The following ZNF676 variants were observed in gnomAD, a reference collection of about 807,000 sequenced individuals.
ZNF676 encodes the protein zinc finger protein 676.
Under a neutral mutation model 6.0 loss-of-function variants are expected in ZNF676, and 4 were observed. The ratio of observed to expected loss-of-function variants is 0.67; its 90% CI spans 0.33 to 1.53. The LOEUF (loss-of-function observed/expected upper bound fraction) is 1.53. Among genes scored for constraint, ZNF676 ranks in the 40% most tolerant of loss-of-function variants. ZNF676 has a pLI of 0.06. For synonymous variants in ZNF676, 198 were observed against 223.1 expected, an observed-to-expected ratio of 0.89 and a Z score of 1.00; for missense variants, 644 against 679.7, an observed-to-expected ratio of 0.95 and a Z score of 0.58.
In ZNF676 at chr19:22,179,276, G is replaced by T; in HGVS notation, c.*674C>A. 1 of 163,368 alleles carries T rather than the reference G, an allele frequency of 6.1e-6. No homozygotes were observed. 10.1% of individuals were successfully genotyped at this position (163,368 alleles called of 1,614,324 possible). ...CCAAAAGCATTGTCACATCTTTCAGGTTTGTAGAGTCTCTCATGTATGAAT... is the reference window on the plus strand; with the variant it reads ...CCAAAAGCATTGTCACATCTTTCAGTTTTGTAGAGTCTCTCATGTATGAAT... On this transcript the variant is annotated 3_prime_UTR_variant, in exon 3 of 3. Transcript: ENST00000397121.
chr19:22,217,148 C>T (rs1203340987), upstream of ZNF676, among the ~76,000 whole-genome samples: 1 of 151,994 alleles, frequency 6.6e-6, no homozygotes, highest in African/African-American at 2.4e-5. Context: ...TCCCTCACCC[C>T]CTCTCCTACC....
At chr19:22,195,293 G>C (rs553310728) in intron 1 of ZNF676, among the ~76,000 whole-genome samples, 5 of 152,210 alleles carry the variant, frequency 3.3e-5, no homozygotes, top group Non-Finnish European at 7.4e-5. Flanking sequence ...AACAGGAGCC[G>C]ATGTGTCAGT....
At chr19:22,255,378 C>T in the ZNF676 span, among the ~76,000 whole-genome samples, 116,012 of 151,974 alleles carry the variant, frequency 0.76, 44,497 homozygotes, top group African/African-American at 0.84. Context: ...CTCTGTACTA[C>T]CCTAGGGCTT....
intron 1 of ZNF676, among the ~76,000 whole-genome samples, chr19:22,212,217 A>G (rs2024136327): frequency 1.3e-5 from 2 of 148,262 alleles, no homozygotes; most frequent in Admixed American, 1.4e-4. Context: ...AAAAAAAAGA[A>G]AAGAAAAGAA....
At chr19:22,245,188 C>G in the ZNF676 span, 1 of 152,104 alleles carries the variant, frequency 6.6e-6, no homozygotes, top group Non-Finnish European at 1.5e-5. Context: ...GTGAGAAGCC[C>G]ACAGATGTGT....
intron 1 of ZNF676, chr19:22,215,607 A>G (rs1373157420): frequency 1.2e-6 from 2 of 1,609,832 alleles, no homozygotes; most frequent in East Asian, 2.2e-5. Flanking sequence ...CCACTCTCTC[A>G]GTGTGTCGGA....
In ZNF676 at chr19:22,181,216, A is replaced by G. The variant is rs145271931; in HGVS notation, c.501T>C (p.Asn167=). The G allele has an allele frequency of 4.5e-5, 72 of 1,613,846 alleles. No homozygotes were observed. Among genetic ancestry groups the G allele is most frequent in the Non-Finnish European group, 5.8e-5 (68 of 1,179,868 alleles). The change falls in exon 3 of 3, where the codon AAT becomes AAC. Residue 167 remains asparagine, a synonymous_variant. Coordinates refer to ENST00000397121, the MANE Select transcript of ZNF676 (RefSeq NM_001001411.3). ...TGCCATTTTCTTCACATTTGTAGGA[A>G]TTCTCTCTAGTATAAATTCTTTCAT... The part of the protein sequence containing the change: ...SQHERIYTRE[N]SYKCEENGKA...
upstream of ZNF676, among the ~76,000 whole-genome samples, chr19:22,200,264 T>C (rs1568532444): frequency 6.6e-6 from 1 of 152,060 alleles, no homozygotes. Context: ...TATAATAATT[T>C]TTTTAGAAGA....
chr19:22,231,119 T>G, the ZNF676 span, among the ~76,000 whole-genome samples: 2 of 152,182 alleles, frequency 1.3e-5, no homozygotes, highest in Non-Finnish European at 2.9e-5. Flanking sequence ...AATCTTTGTA[T>G]GCAACTGAAG....
upstream of ZNF676, among the ~76,000 whole-genome samples, chr19:22,201,731 C>CAA (rs35526921): frequency 2.9e-3 from 223 of 76,222 alleles, 17 homozygotes; most frequent in African/African-American, 7.9e-3. Flanking sequence ...TTTGTAAAGG[C>CAA]AAAAAAAAAA....
chr19:22,230,507 G>C, the ZNF676 span, among the ~76,000 whole-genome samples: 2 of 126,408 alleles, frequency 1.6e-5, no homozygotes, highest in Non-Finnish European at 3.4e-5. Context: ...TAATAAAAAA[G>C]GAAAAAAAAG....
At chr19:22,221,828 A>T in the ZNF676 span, among the ~76,000 whole-genome samples, 1 of 152,118 alleles carries the variant, frequency 6.6e-6, no homozygotes, top group South Asian at 2.1e-4. Context: ...TGATGAAAAG[A>T]ATGTATATTC....
chr19:22,249,110 A>G, the ZNF676 span, among the ~76,000 whole-genome samples: 30 of 152,222 alleles, frequency 2.0e-4, no homozygotes, highest in Non-Finnish European at 3.2e-4. Flanking sequence ...TTTTTTCAGA[A>G]AAGGAACAAA....
chr19:22,197,547 CAA>C (rs2023980526), upstream of ZNF676, among the ~76,000 whole-genome samples: 2 of 151,138 alleles, frequency 1.3e-5, 1 homozygote, highest in South Asian at 4.2e-4. Context: ...GTTTTTGGCC[CAA>C]AAAGACTATT....
the ZNF676 span, among the ~76,000 whole-genome samples, chr19:22,237,036 T>C: frequency 1 from 152,216 of 152,342 alleles, 76,046 homozygotes; most frequent in Middle Eastern, 1. Flanking sequence ...CAAGGTTCTT[T>C]AAAGATTCAG....
chr19:22,205,513 AC>A (rs2024068604), intron 1 of ZNF676, among the ~76,000 whole-genome samples: 1 of 152,212 alleles, frequency 6.6e-6, no homozygotes, highest in Non-Finnish European at 1.5e-5. Flanking sequence ...ACAACTGGAA[AC>A]TATACAATTA....
intron 1 of ZNF676, chr19:22,203,378 G>C (rs1191146068): frequency 6.5e-6 from 1 of 153,372 alleles, no homozygotes; most frequent in African/African-American, 2.4e-5. Context: ...GATACACAAT[G>C]CATTAGAGAG....
chr19:22,238,119 C>T, the ZNF676 span, among the ~76,000 whole-genome samples: 1 of 152,176 alleles, frequency 6.6e-6, no homozygotes, highest in Non-Finnish European at 1.5e-5. Context: ...CCTTGGTTCT[C>T]CACATATGGT....
the ZNF676 span, among the ~76,000 whole-genome samples, chr19:22,235,095 A>AG: frequency 3.7e-5 from 5 of 135,980 alleles, 1 homozygote; most frequent in African/African-American, 1.5e-4. Flanking sequence ...GAAGGCAGGA[A>AG]GAAGGAAGTC....
Sources: gnomAD v4.1 joint callset for allele counts (sites outside exome capture counted in the v4.1 genomes callset) on GRCh38, gnomAD v4.1.1 for gene constraint, MANE v1.5 for transcripts, NCBI Gene and HGNC (gene_info 2026-07-23, HGNC 2026-07-21) for gene names.